Variants in MROH9 observed in about 807,000 individuals in gnomAD.
MROH9 encodes the protein maestro heat like repeat family member 9, also known as maestro heat-like repeat-containing protein family member 9.
MROH9 carries 92 observed loss-of-function variants against 98.2 expected under a neutral mutation model. The ratio of observed to expected loss-of-function variants is 0.94; its 90% CI spans 0.79 to 1.11. The LOEUF (loss-of-function observed/expected upper bound fraction) is 1.11, where lower values mean the gene tolerates loss of function less well. MROH9 is among the 50% of genes most tolerant of loss of function. The pLI is 0.00. For missense variants in MROH9, 1,057 were observed against 1,014.8 expected (o/e 1.04, Z -0.57); for synonymous variants, 397 against 368.9 (o/e 1.08, Z -0.87).
chr1:170,977,126 C>T (rs1557881706), intron 8 of MROH9, among the ~76,000 whole-genome samples: 1 of 152,136 alleles, frequency 6.6e-6, no homozygotes, highest in Non-Finnish European at 1.5e-5. Context: ...TTTCATCAGT[C>T]AGCTCCTGTA....
At position 171,064,554 on chromosome 1, in the gene MROH9, C is replaced by G. The variant is rs1654111116; in HGVS notation, c.*214C>G. 1 of 471,202 alleles carries G rather than the reference C, an allele frequency of 2.1e-6. No homozygotes were observed. Among genetic ancestry groups the G allele is most frequent in the Admixed American group, 4.0e-5 (1 of 25,234 alleles). 29.2% of individuals were successfully genotyped at this position (471,202 alleles called of 1,614,324 possible). ...TGAGAGAACTAGTGCCTCTGTATGT[C>G]TGACAGTGATCAGAAGCCCTATTTC... On this transcript the variant is annotated 3_prime_UTR_variant, in exon 22 of 22. Coordinates refer to ENST00000367759, the MANE Select transcript of MROH9 (RefSeq NM_001163629.2).
chr1:171,031,753 T>C (rs1391640899), intron 20 of MROH9, among the ~76,000 whole-genome samples: 2 of 152,180 alleles, frequency 1.3e-5, no homozygotes, highest in Non-Finnish European at 2.9e-5. Flanking sequence ...TGATTATGTG[T>C]CTCAGGGTTG....
At chr1:170,970,978 A>G (rs906496068) in intron 7 of MROH9, among the ~76,000 whole-genome samples, 6 of 152,196 alleles carry the variant, frequency 3.9e-5, no homozygotes, top group Non-Finnish European at 7.3e-5. Flanking sequence ...TAGTTTGCCA[A>G]ATCTACATTT....
chr1:171,046,045 T>C (rs963229823), intron 20 of MROH9, among the ~76,000 whole-genome samples: 1 of 152,206 alleles, frequency 6.6e-6, no homozygotes, highest in Non-Finnish European at 1.5e-5. Flanking sequence ...CATTATATAG[T>C]GACCTTCTTT....
intron 20 of MROH9, among the ~76,000 whole-genome samples, chr1:171,051,864 T>C (rs77172678): frequency 0.025 from 3,846 of 152,332 alleles, 157 homozygotes; most frequent in African/African-American, 0.086. Flanking sequence ...GATGGCTTCA[T>C]AGAATGAGTT....
intron 15 of MROH9, among the ~76,000 whole-genome samples, chr1:171,011,948 A>G (rs79729634): frequency 0.02 from 3,071 of 151,966 alleles, 99 homozygotes; most frequent in African/African-American, 0.07. Flanking sequence ...TTTCTTTAGC[A>G]CTGTTTTATA....
chr1:170,956,848 T>C (rs1458838782), intron 3 of MROH9, among the ~76,000 whole-genome samples: 1 of 152,074 alleles, frequency 6.6e-6, no homozygotes, highest in Non-Finnish European at 1.5e-5. Context: ...CTTTATTTCT[T>C]TCTCCTGCCT....
chr1:170,983,310 GAAA>G, intron 8 of MROH9, 109 bp from the exon 9 acceptor site: 1 of 682,648 alleles, frequency 1.5e-6, no homozygotes, highest in African/African-American at 1.8e-5. Context: ...TAAATATTCG[GAAA>G]ACTTCAGATC....
intron 17 of MROH9, among the ~76,000 whole-genome samples, chr1:171,019,894 A>G (rs889431118): frequency 1.3e-5 from 2 of 152,108 alleles, no homozygotes; most frequent in African/African-American, 4.8e-5. Flanking sequence ...AGAAAAAAAG[A>G]ATGAATTAAA....
At chr1:170,991,554 A>G (rs1651354851) in intron 11 of MROH9, among the ~76,000 whole-genome samples, 1 of 152,108 alleles carries the variant, frequency 6.6e-6, no homozygotes, top group Non-Finnish European at 1.5e-5. Flanking sequence ...AAGATAAGCA[A>G]TAGTAAGACT....
Position 170,976,919 on chromosome 1 carries a change from G to A in MROH9, c.616+5036G>A, listed in dbSNP as rs533392645. ...TAATCTTGTATTTCTTGGAGGTTTTGTTCTTTCCTTTACATTCTGGTTTCT... is the reference window on the plus strand; with the variant it reads ...TAATCTTGTATTTCTTGGAGGTTTTATTCTTTCCTTTACATTCTGGTTTCT... On this transcript the variant is annotated intron_variant, in intron 8 of 21. Transcript: ENST00000367759. 2.5e-3 allele frequency among the ~76,000 whole-genome samples: 376 copies of A among 152,020 alleles called. 2 individuals are homozygous for A. Among genetic ancestry groups the A allele is most frequent in the African/African-American group, 8.6e-3 (359 of 41,510 alleles).
At chr1:171,063,636 T>C (rs530072404) in intron 21 of MROH9, among the ~76,000 whole-genome samples, 1 of 152,370 alleles carries the variant, frequency 6.6e-6, no homozygotes, top group African/African-American at 2.4e-5. Context: ...CACTTACCTT[T>C]ATAATATAAA....
intron 20 of MROH9, among the ~76,000 whole-genome samples, chr1:171,048,320 T>C (rs1010243375): frequency 6.6e-6 from 1 of 152,176 alleles, no homozygotes; most frequent in Non-Finnish European, 1.5e-5. Context: ...GTCTACTTGG[T>C]GTTCCATTGT....
intron 17 of MROH9, among the ~76,000 whole-genome samples, chr1:171,018,257 A>G (rs758302860): frequency 1.2e-4 from 18 of 152,088 alleles, no homozygotes; most frequent in Non-Finnish European, 2.4e-4. Context: ...AATCAGATGA[A>G]TAGGGCCTAA....
intron 20 of MROH9, among the ~76,000 whole-genome samples, chr1:171,027,199 C>T (rs768012794): frequency 9.2e-5 from 14 of 152,146 alleles, no homozygotes; most frequent in Non-Finnish European, 1.9e-4. Context: ...TAAGTTCCCT[C>T]GCCTCAACCC....
chr1:171,057,185 T>C (rs1031149881), intron 20 of MROH9, among the ~76,000 whole-genome samples: 2 of 152,198 alleles, frequency 1.3e-5, no homozygotes, highest in Non-Finnish European at 2.9e-5. Flanking sequence ...AAGGATTATG[T>C]TCTAACCCAA....
chr1:171,030,795 A>G (rs72710581), intron 20 of MROH9, among the ~76,000 whole-genome samples: 13,925 of 152,176 alleles, frequency 0.092, 761 homozygotes, highest in Middle Eastern at 0.17. Flanking sequence ...GCATATGTCT[A>G]TTGGGCCCAT....
chr1:170,945,495 T>C, intron 1 of MROH9, 25 bp from the exon 2 acceptor site: 2 of 1,561,198 alleles, frequency 1.3e-6, no homozygotes, highest in Non-Finnish European at 1.8e-6. Flanking sequence ...CTGGTTTATG[T>C]ACTAATACGT....
chr1:171,040,346 A>G (rs907167331), intron 20 of MROH9, among the ~76,000 whole-genome samples: 1 of 152,108 alleles, frequency 6.6e-6, no homozygotes, highest in Non-Finnish European at 1.5e-5. Flanking sequence ...CTTACATACC[A>G]TACATTTGCT....
Sources: allele counts gnomAD v4.1 joint callset (sites outside exome capture counted in the v4.1 genomes callset), GRCh38; gene constraint gnomAD v4.1.1; transcripts MANE v1.5; gene names NCBI Gene and HGNC (gene_info 2026-07-23, HGNC 2026-07-21).